Variants in SBNO2 observed in about 807,000 individuals in gnomAD.
SBNO2 encodes the protein protein strawberry notch homolog 2.
Under a neutral mutation model 146.3 loss-of-function variants are expected in SBNO2, and 89 were observed. That is an observed-to-expected ratio of 0.61 (90% CI 0.51 to 0.73). The LOEUF is 0.73. Among genes scored for constraint, SBNO2 ranks in the 30% least tolerant of loss-of-function variants. The probability of loss-of-function intolerance (pLI) is 0.00; values close to 1 mark genes in which losing one functional copy is unlikely to be tolerated. For synonymous variants in SBNO2, 1,147 were observed against 892.6 expected, an observed-to-expected ratio of 1.29 and a Z score of -5.08; for missense variants, 2,092 against 2,003.7, an observed-to-expected ratio of 1.04 and a Z score of -0.84.
At position 1,109,534 on chromosome 19, in the gene SBNO2, G is replaced by A. The variant is rs1171399033; in HGVS notation, c.3188C>T (p.Pro1063Leu). 1.2e-6 allele frequency: 2 copies of A among 1,601,274 alleles called. No homozygotes were observed. The highest frequency in any genetic ancestry group is 2.3e-5 in the East Asian group (1 of 44,332). Residue 1063 changes from proline to leucine, a missense_variant, in exon 28 of 32, where the codon CCC becomes CTC. Transcript: ENST00000361757. This position sits in a 1 kb window ranked among gnomAD's most constrained non-coding sequence, Gnocchi z 4.2. ...AFAKSLALTG[P>L]YDGFYLSYKV... ...GTAGGAGAGGTAGAAGCCGTCATAG[G>A]GGCCCGTCAGCGCCAGCGACTTGGC... is the stretch of plus-strand genomic sequence containing the variant.
chr19:1,130,437 A>G (rs2080015718), intron 4 of SBNO2, among the ~76,000 whole-genome samples: 1 of 152,068 alleles, frequency 6.6e-6, no homozygotes, highest in African/African-American at 2.4e-5. Flanking sequence ...GGCTGCAGTG[A>G]GCTATAATTG....
chr19:1,132,150 G>C (rs773987941), intron 4 of SBNO2: 11 of 1,475,088 alleles, frequency 7.5e-6, no homozygotes, highest in African/African-American at 1.5e-5. Flanking sequence ...CGGCGCTCGG[G>C]GGGCCAGGGG....
At chr19:1,132,233 G>A (rs911998366) in intron 4 of SBNO2, 3 of 1,303,326 alleles carry the variant, frequency 2.3e-6, no homozygotes, top group Non-Finnish European at 2.9e-6. Flanking sequence ...GGTCGGCCGG[G>A]GCGGACGGGG....
chr19:1,113,074 G>A (rs2079786448), intron 19 of SBNO2, 125 bp from the exon 20 acceptor site: 17 of 1,178,860 alleles, frequency 1.4e-5, no homozygotes, highest in Non-Finnish European at 2.0e-5. Context: ...ACGGGAGGTG[G>A]GGGTGCTGGG....
rs1019497287 is a variant in SBNO2, at chr19:1,157,735, T to C, written c.-126-3333A>G. 1.3e-5 allele frequency among the ~76,000 whole-genome samples: 2 copies of C among 152,130 alleles called. No homozygotes were observed. The highest frequency in any genetic ancestry group is 4.8e-5 in the African/African-American group (2 of 41,412). On this transcript the variant is annotated intron_variant, in intron 1 of 31. Transcript: ENST00000361757. The surrounding 1 kb of genome is among the most constrained non-coding windows in gnomAD (Gnocchi z 6.8). Reference sequence around the variant, plus strand: ...CTGGTGGCCCAGACAGGACAACCACTGGGAAGGCAGAACCTCAGACAGGAC... The same window carrying C: ...CTGGTGGCCCAGACAGGACAACCACCGGGAAGGCAGAACCTCAGACAGGAC...
In SBNO2 at chr19:1,126,192, G is replaced by A. The variant is rs888576446; in HGVS notation, c.441+1412C>T. Among the ~76,000 whole-genome samples, 2 of 152,108 alleles carry A rather than the reference G, an allele frequency of 1.3e-5. No individual in the cohort carries two copies. The highest frequency in any genetic ancestry group is 2.9e-5 in the Non-Finnish European group (2 of 68,024). ...CAGCTTCTGCATTTTCTAACACTAG[G>A]AACACTCCTGAGGGTTTTTAAAGAA... On this transcript the variant is annotated intron_variant, in intron 5 of 31. Coordinates refer to ENST00000361757, the MANE Select transcript of SBNO2 (RefSeq NM_014963.3). The surrounding 1 kb of genome is among the most constrained non-coding windows in gnomAD (Gnocchi z 4.4).
chr19:1,128,721 A>T (rs1454732249), intron 4 of SBNO2, among the ~76,000 whole-genome samples: 1 of 150,992 alleles, frequency 6.6e-6, no homozygotes, highest in East Asian at 2.0e-4. Context: ...CTGTAATCCC[A>T]GCACTTGGAG....
intron 1 of SBNO2, among the ~76,000 whole-genome samples, chr19:1,164,506 G>GAGGAGGAGGAGGAGGAAC (rs1436861193): frequency 1.7e-3 from 18 of 10,894 alleles, no homozygotes; most frequent in South Asian, 3.0e-3. Context: ...GTGGAGACAG[G>GAGGAGGAGGAGGAGGAAC]AGGAGGAGGA....
At chr19:1,154,438 C>T (rs112763041) in intron 1 of SBNO2, 36 bp from the exon 2 acceptor site, 5 of 395,908 alleles carry the variant, frequency 1.3e-5, no homozygotes, top group Non-Finnish European at 1.8e-5. Flanking sequence ...GAGAGTCCAA[C>T]GGTGGTGGAG....
chr19:1,166,045 T>C (rs111211839), intron 1 of SBNO2, among the ~76,000 whole-genome samples: 403 of 908 alleles, frequency 0.44, 49 homozygotes, highest in East Asian at 0.62. Context: ...AGACCCCAGA[T>C]CCCAGATCCC....
intron 17 of SBNO2, among the ~76,000 whole-genome samples, chr19:1,114,629 G>C (rs1030403232): frequency 6.9e-6 from 1 of 144,600 alleles, no homozygotes; most frequent in Admixed American, 6.7e-5. Context: ...GGTACGGTGT[G>C]GGGGGCCATA....
At chr19:1,121,287 G>A (rs573003811) in intron 11 of SBNO2, among the ~76,000 whole-genome samples, 13 of 152,328 alleles carry the variant, frequency 8.5e-5, no homozygotes, top group East Asian at 7.7e-4. Flanking sequence ...CGGCCCTGCC[G>A]CCACGTAGCA....
intron 3 of SBNO2, among the ~76,000 whole-genome samples, chr19:1,148,307 G>A (rs950254495): frequency 1.3e-5 from 2 of 151,962 alleles, no homozygotes; most frequent in East Asian, 1.9e-4. Context: ...CTCCACTCCC[G>A]GGCCACAAAC....
chr19:1,123,062 G>T lies in SBNO2; in HGVS notation c.629-17C>A. 1 of 1,588,970 alleles carries T rather than the reference G, an allele frequency of 6.3e-7. No individual in the cohort carries two copies. Among genetic ancestry groups the T allele is most frequent in the Non-Finnish European group, 8.6e-7 (1 of 1,168,562 alleles). On this transcript the variant is annotated splice_polypyrimidine_tract_variant and intron_variant, in intron 7 of 31. Coordinates refer to ENST00000361757, the MANE Select transcript of SBNO2 (RefSeq NM_014963.3). ...CGATCTTGGCTGGAGGAGCAAGGAC[G>T]GAGGGCAAGGTAAAGGGTATGGCCA... is the stretch of plus-strand genomic sequence containing the variant.
Position 1,158,958 on chromosome 19 carries a change from C to T in SBNO2, c.-126-4556G>A, listed in dbSNP as rs1599876557. The stretch of plus-strand genomic sequence containing the variant: ...CCGCGACCCCACCTGCAGCCGTGAC[C>T]CCACTTGCAGCTGCAACCGCCGCCC... On this transcript the variant is annotated intron_variant, in intron 1 of 31. Transcript: ENST00000361757. The surrounding 1 kb of genome is among the most constrained non-coding windows in gnomAD (Gnocchi z 9.9). 6.6e-6 allele frequency among the ~76,000 whole-genome samples: 1 copy of T among 150,438 alleles called. No homozygotes were observed.
rs763754360 is a variant in SBNO2, at chr19:1,112,274, G to C, written c.2543C>G (p.Ser848Cys). ...FGRTHRSNQVSAPEYVFLISE... is the reference protein window; with the variant it reads ...FGRTHRSNQVCAPEYVFLISE... ...GATGAGGAAGACATACTCTGGCGCGGAGACCTGGTTGGACCGGTGGGTGCG... is the reference window on the plus strand; with the variant it reads ...GATGAGGAAGACATACTCTGGCGCGCAGACCTGGTTGGACCGGTGGGTGCG... The change falls in exon 22 of 32, where the codon TCC becomes TGC. Residue 848 changes from serine to cysteine, a missense_variant. Physicochemically the swap from Ser to Cys is moderately radical, Grantham distance 112. Coordinates refer to ENST00000361757, the MANE Select transcript of SBNO2 (RefSeq NM_014963.3). The surrounding 1 kb of genome is among the most constrained non-coding windows in gnomAD (Gnocchi z 5.9). The C allele has an allele frequency of 2.5e-6, 4 of 1,590,802 alleles. No homozygotes were observed. Among genetic ancestry groups the C allele is most frequent in the Non-Finnish European group, 3.4e-6 (4 of 1,169,348 alleles).
Position 1,123,555 on chromosome 19 carries a change from C to T in SBNO2, c.607G>A (p.Ala203Thr). 1.9e-6 allele frequency: 3 copies of T among 1,613,518 alleles called. No homozygotes were observed. The highest frequency in any genetic ancestry group is 2.5e-6 in the Non-Finnish European group (3 of 1,179,780). The change falls in exon 7 of 32, where the codon GCC (alanine) becomes ACC (threonine). Residue 203 changes from alanine (A) to threonine (T), a missense_variant. Physicochemically the swap from Ala to Thr is moderately conservative, Grantham distance 58. Transcript: ENST00000361757. The part of the protein sequence containing the change: ...AEELGHTETY[A>T]DYVPSKSKIG... Reference sequence around the variant, plus strand: ...TCACACTTGGACGGCACGTAGTCGGCGTAGGTCTCTGTGTGCCCCAGCTCC... The same window carrying T: ...TCACACTTGGACGGCACGTAGTCGGTGTAGGTCTCTGTGTGCCCCAGCTCC...
chr19:1,141,030 G>A (rs2080131036), intron 4 of SBNO2, among the ~76,000 whole-genome samples: 2 of 151,828 alleles, frequency 1.3e-5, no homozygotes, highest in African/African-American at 2.4e-5. Context: ...CCCTGGAGAA[G>A]ACGCACCCCG....
intron 9 of SBNO2, 34 bp from the exon 10 acceptor site, chr19:1,122,592 T>TTCCCCCCCCCCCC: frequency 2.1e-6 from 3 of 1,455,724 alleles, no homozygotes; most frequent in Admixed American, 2.1e-5. Context: ...CGCCCACCCT[T>TTCCCCCCCCCCCC]CCCCCTCGCC....
Sources: gnomAD v4.1 joint callset for allele counts (sites outside exome capture counted in the v4.1 genomes callset) on GRCh38, gnomAD v4.1.1 for gene constraint, Gnocchi (gnomAD v3.1) non-coding constraint, MANE v1.5 for transcripts, NCBI Gene and HGNC (gene_info 2026-07-23, HGNC 2026-07-21) for gene names.